The following RCAN2 variants were observed in gnomAD, a reference collection of about 807,000 sequenced individuals.
RCAN2 encodes calcipressin-2.
RCAN2 carries 9 observed loss-of-function variants against 23.6 expected under a neutral mutation model. The observed-to-expected ratio is 0.38, with a 90% CI of 0.23 to 0.67. The LOEUF (loss-of-function observed/expected upper bound fraction) is 0.67. Ranked by LOEUF, RCAN2 falls within the 30% of genes least tolerant of loss-of-function variation. RCAN2 has a pLI of 0.51. For synonymous variants in RCAN2, 109 were observed against 115.7 expected, an observed-to-expected ratio of 0.94 and a Z score of 0.37; for missense variants, 273 against 302.3, an observed-to-expected ratio of 0.90 and a Z score of 0.72.
intron 2 of RCAN2, among the ~76,000 whole-genome samples, chr6:46,309,233 AG>A (rs1763176718): frequency 6.6e-6 from 1 of 152,212 alleles, no homozygotes; most frequent in South Asian, 2.1e-4. Flanking sequence ...GCCATTTCAT[AG>A]ATAAGCAAAG....
intron 2 of RCAN2, among the ~76,000 whole-genome samples, chr6:46,443,911 C>T (rs1767623928): frequency 6.6e-6 from 1 of 152,158 alleles, no homozygotes; most frequent in African/African-American, 2.4e-5. Flanking sequence ...AGTCAGAAAG[C>T]CTCACTCTAC....
intron 2 of RCAN2, among the ~76,000 whole-genome samples, chr6:46,347,989 T>C (rs1764538506): frequency 6.6e-6 from 1 of 152,162 alleles, no homozygotes. Context: ...TTGTTCAAAG[T>C]CTGGGGAGGA....
intron 2 of RCAN2, among the ~76,000 whole-genome samples, chr6:46,347,697 T>A (rs1369177021): frequency 1.3e-5 from 2 of 152,198 alleles, no homozygotes; most frequent in South Asian, 4.1e-4. Context: ...AATTATCAAC[T>A]ACATAAAAAT....
rs192689677 is a variant in RCAN2 at position 46,255,839 on chromosome 6, C to T, written c.226-6943G>A. 1.7e-3 allele frequency among the ~76,000 whole-genome samples: 265 copies of T among 152,188 alleles called. 5 individuals carry two copies. Among genetic ancestry groups the T allele is most frequent in the Admixed American group, 0.017 (264 of 15,286 alleles). ...AGATCATCTATAAAAAGGGATGGAACAACAGTCTAGAAGCATAGGAGGAAG... is the reference window on the plus strand; with the variant it reads ...AGATCATCTATAAAAAGGGATGGAATAACAGTCTAGAAGCATAGGAGGAAG... On this transcript the variant is annotated intron_variant, in intron 2 of 4. Coordinates refer to ENST00000371374, the MANE Select transcript of RCAN2 (RefSeq NM_001251974.2).
intron 2 of RCAN2, among the ~76,000 whole-genome samples, chr6:46,441,177 C>T (rs757631919): frequency 1.3e-5 from 2 of 152,156 alleles, no homozygotes; most frequent in Non-Finnish European, 2.9e-5. Context: ...ATGCTGCCTC[C>T]TCTGTCTACT....
At chr6:46,270,435 G>T (rs1214401282) in intron 2 of RCAN2, among the ~76,000 whole-genome samples, 1 of 152,176 alleles carries the variant, frequency 6.6e-6, no homozygotes, top group East Asian at 1.9e-4. Flanking sequence ...GCTCTTCGAG[G>T]TTGCAGCTGG....
intron 1 of RCAN2, among the ~76,000 whole-genome samples, chr6:46,464,683 C>T (rs1768322085): frequency 6.6e-6 from 1 of 152,112 alleles, no homozygotes; most frequent in Non-Finnish European, 1.5e-5. Context: ...ACCTGCTGAG[C>T]TATGTGAACC....
intron 2 of RCAN2, among the ~76,000 whole-genome samples, chr6:46,418,695 G>GTATA (rs70996369): frequency 0.029 from 3,465 of 121,014 alleles, 60 homozygotes; most frequent in African/African-American, 0.045. Flanking sequence ...ATGTGTGTGT[G>GTATA]TATATATATA....
At chr6:46,378,790 C>A (rs1175605504) in intron 2 of RCAN2, among the ~76,000 whole-genome samples, 1 of 152,118 alleles carries the variant, frequency 6.6e-6, no homozygotes, top group Non-Finnish European at 1.5e-5. Flanking sequence ...AGACACTAAA[C>A]CCAGAACAGA....
At chr6:46,243,817 A>G (rs1766404482) in intron 4 of RCAN2, among the ~76,000 whole-genome samples, 1 of 150,292 alleles carries the variant, frequency 6.7e-6, no homozygotes, top group Non-Finnish European at 1.5e-5. Flanking sequence ...CTCAAAAAAA[A>G]AAAAAAAAAA....
chr6:46,271,042 C>T lies in RCAN2; in HGVS notation c.226-22146G>A, dbSNP rs188578291. Among the ~76,000 whole-genome samples, 671 of 152,292 alleles carry T rather than the reference C, an allele frequency of 4.4e-3. 5 individuals are homozygous for T. Among genetic ancestry groups the T allele is most frequent in the Non-Finnish European group, 7.3e-3 (497 of 68,030 alleles). ...TTCATACATACTGTGAGAGAATACA[C>T]GTGTTGTTTTAATCCACTGAGTTTT... On this transcript the variant is annotated intron_variant, in intron 2 of 4. Transcript: ENST00000371374.
At chr6:46,379,159 G>A (rs1244144401) in intron 2 of RCAN2, among the ~76,000 whole-genome samples, 1 of 152,184 alleles carries the variant, frequency 6.6e-6, no homozygotes, top group Non-Finnish European at 1.5e-5. Context: ...TGAGAATTAG[G>A]TCTCCTAGAG....
intron 1 of RCAN2, among the ~76,000 whole-genome samples, 157 bp downstream of exon 1, chr6:46,491,016 A>ACCGCCC (rs1280186467): frequency 0.014 from 1,777 of 130,098 alleles, 20 homozygotes; most frequent in African/African-American, 0.036. Context: ...CACCCCCGCC[A>ACCGCCC]CCGCCCCCGC....
intron 2 of RCAN2, among the ~76,000 whole-genome samples, chr6:46,255,770 A>G (rs991477164): frequency 4.6e-5 from 7 of 152,164 alleles, no homozygotes; most frequent in African/African-American, 1.7e-4. Flanking sequence ...ATGGCAGCAT[A>G]GACAGGAAGA....
At chr6:46,439,238 T>A (rs1405178638) in intron 2 of RCAN2, among the ~76,000 whole-genome samples, 1 of 152,210 alleles carries the variant, frequency 6.6e-6, no homozygotes, top group African/African-American at 2.4e-5. Flanking sequence ...TTTAAAAATG[T>A]ACCTGATGTA....
chr6:46,389,247 T>C (rs953222201), intron 2 of RCAN2, among the ~76,000 whole-genome samples: 5 of 152,228 alleles, frequency 3.3e-5, no homozygotes, highest in African/African-American at 9.6e-5. Flanking sequence ...CCATCACTAC[T>C]GTCTCTTTCT....
chr6:46,459,903 C>T (rs533988868), intron 1 of RCAN2, among the ~76,000 whole-genome samples: 2 of 152,148 alleles, frequency 1.3e-5, no homozygotes, highest in South Asian at 4.1e-4. Flanking sequence ...GCAGTAAAAA[C>T]ACATCGTGAT....
In RCAN2 at chr6:46,237,665, A is replaced by G. The variant is rs1766151961; in HGVS notation, c.571+9083T>C. On this transcript the variant is annotated intron_variant, in intron 4 of 4. Transcript: ENST00000371374. ...GCTAATCCCAAAATATCCAAAATCC[A>G]AAACACTTCTGGCCCCAAGCATTTT... Among the ~76,000 whole-genome samples the G allele has an allele frequency of 1.3e-5, 2 of 152,224 alleles. 1 individual carries two copies. The highest frequency in any genetic ancestry group is 1.3e-4 in the Admixed American group (2 of 15,286).
At chr6:46,452,118 A>G (rs556268904) in intron 2 of RCAN2, among the ~76,000 whole-genome samples, 114 of 152,244 alleles carry the variant, frequency 7.5e-4, no homozygotes, top group African/African-American at 2.4e-3. Flanking sequence ...AGAACCAAAT[A>G]TCATACCAGC....
Sources: allele counts gnomAD v4.1 joint callset (sites outside exome capture counted in the v4.1 genomes callset), GRCh38; gene constraint gnomAD v4.1.1; transcripts MANE v1.5; gene names NCBI Gene and HGNC (gene_info 2026-07-23, HGNC 2026-07-21).